DDC: variants seen among roughly 807,000 people sequenced by gnomAD.
DDC encodes the protein aromatic-L-amino-acid decarboxylase.
A neutral mutation model predicts 60.0 loss-of-function variants in DDC; 43 were observed. The ratio of observed to expected loss-of-function variants is 0.72; its 90% CI spans 0.56 to 0.92. The LOEUF (loss-of-function observed/expected upper bound fraction) is 0.92, where lower values mean the gene tolerates loss of function less well. Among genes scored for constraint, DDC ranks in the 40% least tolerant of loss-of-function variants. The pLI is 0.00. For synonymous variants in DDC, 232 were observed against 234.6 expected, an observed-to-expected ratio of 0.99 and a Z score of 0.10; for missense variants, 573 against 620.2, an observed-to-expected ratio of 0.92 and a Z score of 0.81.
intron 9 of DDC, among the ~76,000 whole-genome samples, chr7:50,480,246 C>T (rs1195630628): frequency 1.3e-5 from 2 of 152,102 alleles, no homozygotes; most frequent in Non-Finnish European, 2.9e-5. Context: ...GAATGAAACT[C>T]CGTTAAAAAC....
At chr7:50,551,229 C>CTTTTTT (rs58446864) in intron 1 of DDC, among the ~76,000 whole-genome samples, 2 of 133,026 alleles carry the variant, frequency 1.5e-5, no homozygotes, top group Non-Finnish European at 3.2e-5. Flanking sequence ...TTCCGTTGTA[C>CTTTTTT]TTTTTTTTTT....
At position 50,458,490 on chromosome 7, in the gene DDC, T is replaced by C. The variant is rs1035138500; in HGVS notation, c.*372A>G. 30 of 152,220 alleles carry C rather than the reference T, an allele frequency of 2.0e-4. No homozygotes were observed. The highest frequency in any genetic ancestry group is 1.8e-3 in the Admixed American group (28 of 15,288). 9.4% of individuals were successfully genotyped at this position (152,220 alleles called of 1,614,324 possible). A position where few individuals can be genotyped will look rare whatever the true frequency, so the allele number is the denominator to read the frequency against. On this transcript the variant is annotated 3_prime_UTR_variant, in exon 15 of 15. Coordinates refer to ENST00000444124, the MANE Select transcript of DDC (RefSeq NM_001082971.2). ...CATTTAGCCACATGACAAAAGACAATTTGAAGACCACAGATATAATTTCAA... is the reference window on the plus strand; with the variant it reads ...CATTTAGCCACATGACAAAAGACAACTTGAAGACCACAGATATAATTTCAA...
rs1322853725 is a variant in DDC at position 50,490,531 on chromosome 7, G to A, written c.944+4819C>T. Among the ~76,000 whole-genome samples the A allele has an allele frequency of 5.3e-5, 8 of 152,244 alleles. No individual in the cohort carries two copies. In the South Asian group the frequency reaches 1.0e-3, roughly 20 times the overall value. On this transcript the variant is annotated intron_variant, in intron 9 of 14. Coordinates refer to ENST00000444124, the MANE Select transcript of DDC (RefSeq NM_001082971.2). ...TAAAAATACAAAAAATTAGGCAGGC[G>A]TGGTGGCACGCTCCTGTAGTCCCAG...
At chr7:50,473,227 C>A (rs1462870284) in intron 11 of DDC, among the ~76,000 whole-genome samples, 1 of 152,112 alleles carries the variant, frequency 6.6e-6, no homozygotes, top group Non-Finnish European at 1.5e-5. Flanking sequence ...GTGCCTGCAC[C>A]CAAGGGATAG....
chr7:50,549,284 G>A (rs1232536066), intron 1 of DDC, among the ~76,000 whole-genome samples: 14 of 152,166 alleles, frequency 9.2e-5, no homozygotes, highest in Admixed American at 9.2e-4. Context: ...GCCATAGATA[G>A]TCATTCCTCT....
chr7:50,546,137 A>C (rs565188327), intron 1 of DDC, among the ~76,000 whole-genome samples: 1 of 152,312 alleles, frequency 6.6e-6, no homozygotes, highest in Admixed American at 6.5e-5. Context: ...TGTTATTAGC[A>C]ATGGTGATGA....
intron 13 of DDC, among the ~76,000 whole-genome samples, chr7:50,465,651 C>T (rs552586905): frequency 2.6e-5 from 4 of 152,324 alleles, no homozygotes; most frequent in South Asian, 2.1e-4. Context: ...GGATTACAGG[C>T]GTGAGCCACC....
intron 6 of DDC, 140 bp downstream of exon 6, chr7:50,527,997 C>T (rs567291472): frequency 6.3e-6 from 6 of 957,206 alleles, no homozygotes; most frequent in Admixed American, 2.5e-5. Flanking sequence ...CCCGGGTTCA[C>T]GCCATTCTCC....
intron 6 of DDC, among the ~76,000 whole-genome samples, chr7:50,517,995 T>C (rs1434057214): frequency 2.6e-5 from 4 of 151,488 alleles, no homozygotes; most frequent in Non-Finnish European, 4.4e-5. Context: ...GGATCACAAG[T>C]TCAGGAGATC....
intron 11 of DDC, among the ~76,000 whole-genome samples, chr7:50,471,372 T>C (rs1272703439): frequency 6.6e-6 from 1 of 152,052 alleles, no homozygotes; most frequent in Non-Finnish European, 1.5e-5. Context: ...AGAGTAAGAC[T>C]CCATCTCAAA....
At position 50,556,837 on chromosome 7, in the gene DDC, GTCC is replaced by G. The variant is rs565529353; in HGVS notation, c.-29+8445_-29+8447del. 4.9e-3 allele frequency among the ~76,000 whole-genome samples: 743 copies of G among 151,998 alleles called. 5 individuals are homozygous for G. Among genetic ancestry groups the G allele is most frequent in the Middle Eastern group, 0.027 (8 of 294 alleles). ...TTCAGCACTACAATTCCACAGGACA[GTCC>G]TCCTCCTCCTCCTCCTCATGAAGAA... On this transcript the variant is annotated intron_variant, in intron 1 of 14. Coordinates refer to ENST00000444124, the MANE Select transcript of DDC (RefSeq NM_001082971.2).
At chr7:50,493,672 A>C (rs2043059283) in intron 9 of DDC, among the ~76,000 whole-genome samples, 1 of 152,224 alleles carries the variant, frequency 6.6e-6, no homozygotes, top group Non-Finnish European at 1.5e-5. Flanking sequence ...TGTCTTTCAT[A>C]AATACTTATT....
At chr7:50,560,614 C>G (rs2045321513) in intron 1 of DDC, among the ~76,000 whole-genome samples, 2 of 152,134 alleles carry the variant, frequency 1.3e-5, no homozygotes, top group Non-Finnish European at 2.9e-5. Flanking sequence ...CTCCTTCTTT[C>G]CCACCCATCG....
chr7:50,564,352 C>T (rs1229684830), intron 1 of DDC: 1 of 152,208 alleles, frequency 6.6e-6, no homozygotes, highest in Non-Finnish European at 1.5e-5. Context: ...CCCGACAGCA[C>T]CAAGTGCAAA....
chr7:50,478,293 C>G (rs1414576405), intron 10 of DDC, among the ~76,000 whole-genome samples: 2 of 152,110 alleles, frequency 1.3e-5, no homozygotes, highest in Non-Finnish European at 2.9e-5. Flanking sequence ...GTTTCTATTA[C>G]CGCACCATCT....
At chr7:50,518,808 C>A (rs962578343) in intron 6 of DDC, among the ~76,000 whole-genome samples, 1 of 152,170 alleles carries the variant, frequency 6.6e-6, no homozygotes, top group Admixed American at 6.5e-5. Context: ...ATTGGAAAAA[C>A]CCTTGTAGAC....
chr7:50,502,863 C>G (rs1323286304), intron 7 of DDC, among the ~76,000 whole-genome samples: 1 of 152,060 alleles, frequency 6.6e-6, no homozygotes, highest in African/African-American at 2.4e-5. Flanking sequence ...TTTTTCTCTT[C>G]ACTTTACAGA....
At chr7:50,459,960 C>T (rs538585046) in intron 14 of DDC, among the ~76,000 whole-genome samples, 2 of 144,286 alleles carry the variant, frequency 1.4e-5, no homozygotes, top group South Asian at 4.3e-4. Flanking sequence ...CGGCCAGCCG[C>T]CCCATCTGGG....
rs546456725 is a variant in DDC, at chr7:50,506,226, C to T, written c.715-2167G>A. ...AGTGGTCAGGGCAGGAGGATAGTAG[C>T]CCAGAGTGTGAGAGCCCCACAGAGG... is the stretch of plus-strand genomic sequence containing the variant. On this transcript the variant is annotated intron_variant, in intron 6 of 14. Transcript: ENST00000444124. Among the ~76,000 whole-genome samples, 34 of 152,254 alleles carry T rather than the reference C, an allele frequency of 2.2e-4. No homozygotes were observed. The South Asian group carries it at 7.0e-3, about 32-fold the overall frequency.
Sources: gnomAD v4.1 joint callset for allele counts (sites outside exome capture counted in the v4.1 genomes callset) on GRCh38, gnomAD v4.1.1 for gene constraint, MANE v1.5 for transcripts, NCBI Gene and HGNC (gene_info 2026-07-23, HGNC 2026-07-21) for gene names.